The following BLTP3A variants were observed in gnomAD, a reference collection of about 807,000 sequenced individuals.
BLTP3A encodes ICBP90 binding protein 1.
At chr6:34,848,057 C>G in the BLTP3A span, among the ~76,000 whole-genome samples, 10 of 149,672 alleles carry the variant, frequency 6.7e-5, no homozygotes, top group Non-Finnish European at 1.3e-4. Context: ...GTAGCTGAGA[C>G]TACAGGCATG....
chr6:34,813,652 C>T, the BLTP3A span, among the ~76,000 whole-genome samples: 1 of 152,178 alleles, frequency 6.6e-6, no homozygotes, highest in Non-Finnish European at 1.5e-5. Context: ...ATGATATTAT[C>T]CTCAATTAGG....
At chr6:34,821,716 G>C in the BLTP3A span, 1 of 1,614,152 alleles carries the variant, frequency 6.2e-7, no homozygotes, top group Non-Finnish European at 8.5e-7. Flanking sequence ...AGGGTCAGCT[G>C]ACCAACCTGG....
At chr6:34,828,289 A>G in the BLTP3A span, among the ~76,000 whole-genome samples, 1 of 151,920 alleles carries the variant, frequency 6.6e-6, no homozygotes, top group African/African-American at 2.4e-5. Flanking sequence ...CGTCTCTACT[A>G]AAAATACAAA....
the BLTP3A span, among the ~76,000 whole-genome samples, chr6:34,794,085 G>A: frequency 0.027 from 4,062 of 152,046 alleles, 194 homozygotes; most frequent in African/African-American, 0.092. Context: ...GCTTCAGCTC[G>A]GGAGGCGGAG....
At chr6:34,798,963 A>G in the BLTP3A span, among the ~76,000 whole-genome samples, 3 of 152,016 alleles carry the variant, frequency 2.0e-5, no homozygotes, top group Non-Finnish European at 2.9e-5. Flanking sequence ...TTTTTTGGAG[A>G]CAGGGTCTCG....
the BLTP3A span, among the ~76,000 whole-genome samples, chr6:34,801,690 G>A: frequency 5.9e-5 from 9 of 151,970 alleles, no homozygotes; most frequent in Admixed American, 3.9e-4. Context: ...ACAAAATATC[G>A]CACAGCTTTA....
chr6:34,827,048 C>T, the BLTP3A span, among the ~76,000 whole-genome samples: 1 of 152,134 alleles, frequency 6.6e-6, no homozygotes, highest in Non-Finnish European at 1.5e-5. Context: ...CTCAGTGGCT[C>T]ACACCTGTAA....
chr6:34,857,057 G>T, the BLTP3A span: 1 of 1,270,930 alleles, frequency 7.9e-7, no homozygotes, highest in Non-Finnish European at 1.1e-6. Context: ...TTAATAGTTT[G>T]GTCTGTTTCT....
chr6:34,837,519 TA>T, the BLTP3A span, among the ~76,000 whole-genome samples: 1 of 151,170 alleles, frequency 6.6e-6, no homozygotes, highest in African/African-American at 2.4e-5. Flanking sequence ...CTCCATCTCT[TA>T]AAAAAAAATT....
the BLTP3A span, among the ~76,000 whole-genome samples, chr6:34,845,998 G>T: frequency 3.3e-5 from 5 of 151,426 alleles, no homozygotes; most frequent in African/African-American, 1.2e-4. Flanking sequence ...GGTTGCTGGG[G>T]TGGTATAGGC....
chr6:34,876,237 A>G, the BLTP3A span: 1 of 152,522 alleles, frequency 6.6e-6, no homozygotes, highest in Non-Finnish European at 1.5e-5. Context: ...GCTCTTTACC[A>G]TATATTTCAC....
the BLTP3A span, among the ~76,000 whole-genome samples, chr6:34,810,564 C>G: frequency 2.0e-5 from 3 of 152,186 alleles, no homozygotes; most frequent in Non-Finnish European, 2.9e-5. Context: ...CTCATTGCAA[C>G]CTTTACTGAT....
chr6:34,844,675 A>T, the BLTP3A span, among the ~76,000 whole-genome samples: 1 of 152,092 alleles, frequency 6.6e-6, no homozygotes, highest in Admixed American at 6.6e-5. Flanking sequence ...ATACATGTCT[A>T]TTCAGGTCTT....
At chr6:34,857,455 A>T in the BLTP3A span, 1 of 1,613,840 alleles carries the variant, frequency 6.2e-7, no homozygotes, top group African/African-American at 1.3e-5. Context: ...CTTCCCAGAT[A>T]ATCAGGAGCT....
chr6:34,808,346 CAAAA>C, the BLTP3A span, among the ~76,000 whole-genome samples: 3 of 26,732 alleles, frequency 1.1e-4, no homozygotes, highest in East Asian at 1.9e-3. Context: ...AACTCCGTCT[CAAAA>C]AAAAAAAAAA....
the BLTP3A span, among the ~76,000 whole-genome samples, chr6:34,848,507 G>A: frequency 2.0e-5 from 3 of 151,422 alleles, no homozygotes; most frequent in Non-Finnish European, 1.5e-5. Flanking sequence ...TTGGGAGGCT[G>A]AGGCAGGAGA....
chr6:34,847,940 T>TTTTTG, the BLTP3A span, among the ~76,000 whole-genome samples: 1 of 144,704 alleles, frequency 6.9e-6, no homozygotes, highest in Non-Finnish European at 1.5e-5. Context: ...TTTTTTTTTT[T>TTTTTG]GAGATAGCCT....
At chr6:34,875,301 C>T in the BLTP3A span, 1 of 152,332 alleles carries the variant, frequency 6.6e-6, no homozygotes, top group Non-Finnish European at 1.5e-5. Flanking sequence ...CTGAATGGAT[C>T]ACTGGTCAAG....
chr6:34,821,714 C>G, the BLTP3A span: 1 of 1,614,192 alleles, frequency 6.2e-7, no homozygotes, highest in Non-Finnish European at 8.5e-7. Flanking sequence ...GGAGGGTCAG[C>G]TGACCAACCT....
Sources: allele counts gnomAD v4.1 joint callset (sites outside exome capture counted in the v4.1 genomes callset), GRCh38; gene constraint gnomAD v4.1.1; transcripts MANE v1.5; gene names NCBI Gene and HGNC (gene_info 2026-07-23, HGNC 2026-07-21).